Variants in SOX6 observed in about 807,000 individuals in gnomAD.
SOX6 encodes the protein transcription factor SOX-6.
SOX6 carries 11 observed loss-of-function variants against 97.8 expected under a neutral mutation model. That is an observed-to-expected ratio of 0.11 (90% CI 0.07 to 0.19). The LOEUF (loss-of-function observed/expected upper bound fraction) is 0.19. Ranked by LOEUF, SOX6 falls within the 10% of genes least tolerant of loss-of-function variation. The probability of loss-of-function intolerance (pLI) is 1.00; values close to 1 mark genes in which losing one functional copy is unlikely to be tolerated. For synonymous variants in SOX6, 360 were observed against 371.4 expected, an observed-to-expected ratio of 0.97 and a Z score of 0.35; for missense variants, 810 against 1,039.5, an observed-to-expected ratio of 0.78 and a Z score of 3.04.
chr11:16,183,319 G>A (rs1851391168), intron 6 of SOX6, among the ~76,000 whole-genome samples: 3 of 132,808 alleles, frequency 2.3e-5, no homozygotes, highest in African/African-American at 8.7e-5. Context: ...TCTACACCAT[G>A]TCATAATTAT....
intron 3 of SOX6, chr11:16,312,521 C>T (rs1187633386): frequency 6.6e-6 from 1 of 152,150 alleles, no homozygotes; most frequent in Non-Finnish European, 1.5e-5. Flanking sequence ...TATGCTGAAG[C>T]ACTCACTCTT....
At chr11:16,008,827 T>C (rs989048975) in intron 13 of SOX6, among the ~76,000 whole-genome samples, 5 of 152,092 alleles carry the variant, frequency 3.3e-5, no homozygotes, top group African/African-American at 4.8e-5. Context: ...TACAGTTTTG[T>C]GATACTCATA....
chr11:16,092,852 TAA>T (rs202180285), intron 9 of SOX6, among the ~76,000 whole-genome samples: 2 of 146,132 alleles, frequency 1.4e-5, no homozygotes, highest in South Asian at 2.1e-4. Flanking sequence ...CCTTTTTCAT[TAA>T]AAAAAAAAAG....
intron 6 of SOX6, among the ~76,000 whole-genome samples, chr11:16,112,190 C>G (rs533516318): frequency 6.6e-6 from 1 of 152,258 alleles, no homozygotes; most frequent in South Asian, 2.1e-4. Context: ...TTTCTCTTGA[C>G]TTTTTTCCTT....
chr11:16,502,508 G>C (rs919746583), intron 4 of SOX6, among the ~76,000 whole-genome samples: 2 of 151,498 alleles, frequency 1.3e-5, no homozygotes. Context: ...TGAGAAATTT[G>C]CCAAAGAGAT....
intron 4 of SOX6, among the ~76,000 whole-genome samples, chr11:16,197,389 T>C (rs1471218289): frequency 1.3e-5 from 2 of 152,224 alleles, no homozygotes; most frequent in Admixed American, 1.3e-4. Flanking sequence ...AGGGAGATTA[T>C]GTTTTTATAT....
chr11:16,416,076 G>A (rs746623244), intron 1 of SOX6, among the ~76,000 whole-genome samples: 1 of 152,132 alleles, frequency 6.6e-6, no homozygotes, highest in Non-Finnish European at 1.5e-5. Flanking sequence ...TGCTCACCTC[G>A]TAAGGCATTA....
intron 4 of SOX6, among the ~76,000 whole-genome samples, chr11:16,198,222 TTTTTTTTC>T (rs956320139): frequency 7.9e-5 from 7 of 88,142 alleles, no homozygotes; most frequent in East Asian, 9.7e-4. Flanking sequence ...CCCTGCTAAT[TTTTTTTTC>T]TTTTTTTTTT....
chr11:16,370,075 T>C (rs552499603), intron 1 of SOX6, among the ~76,000 whole-genome samples: 4 of 152,140 alleles, frequency 2.6e-5, no homozygotes, highest in Non-Finnish European at 5.9e-5. Context: ...AGCCATGCCA[T>C]GTTCTTCTCA....
At chr11:16,328,018 T>C (rs1856153618) in intron 2 of SOX6, among the ~76,000 whole-genome samples, 1 of 152,194 alleles carries the variant, frequency 6.6e-6, no homozygotes, top group Non-Finnish European at 1.5e-5. Context: ...TTTTGCTTTG[T>C]TTTCCATTTT....
chr11:16,146,968 A>G (rs542485227), intron 6 of SOX6, among the ~76,000 whole-genome samples: 2 of 152,366 alleles, frequency 1.3e-5, no homozygotes, highest in South Asian at 2.1e-4. Flanking sequence ...ATCCAGAACT[A>G]GAAATACCAT....
At chr11:16,129,015 C>T (rs1849673872) in intron 6 of SOX6, among the ~76,000 whole-genome samples, 1 of 150,754 alleles carries the variant, frequency 6.6e-6, no homozygotes, top group Non-Finnish European at 1.5e-5. Flanking sequence ...CATGCAACGC[C>T]ATGCCTGGCA....
intron 1 of SOX6, among the ~76,000 whole-genome samples, chr11:16,423,193 A>G (rs1859053959): frequency 2.0e-5 from 3 of 152,132 alleles, no homozygotes. Flanking sequence ...TGAACAGACA[A>G]GCTCCTCACT....
chr11:16,621,823 T>C (rs1848549127), intron 3 of SOX6, among the ~76,000 whole-genome samples: 1 of 152,190 alleles, frequency 6.6e-6, no homozygotes, highest in African/African-American at 2.4e-5. Flanking sequence ...ATAGGAGACA[T>C]CCTAAGAATG....
chr11:16,186,124 T>C (rs1271428491), intron 5 of SOX6, among the ~76,000 whole-genome samples: 8 of 152,210 alleles, frequency 5.3e-5, no homozygotes, highest in Admixed American at 3.9e-4. Flanking sequence ...TTTGCTATTT[T>C]TTCTTCATTC....
At chr11:16,534,784 G>A (rs1264528101) in intron 4 of SOX6, among the ~76,000 whole-genome samples, 5 of 152,116 alleles carry the variant, frequency 3.3e-5, no homozygotes, top group Admixed American at 2.6e-4. Context: ...GCAATGCTAA[G>A]GGCCAAGCAA....
intron 4 of SOX6, among the ~76,000 whole-genome samples, chr11:16,545,966 TA>T (rs1847616277): frequency 6.6e-6 from 1 of 151,902 alleles, no homozygotes; most frequent in African/African-American, 2.4e-5. Context: ...AATAAATAAA[TA>T]AATACTCTTA....
At chr11:16,544,035 G>A (rs772739371) in intron 4 of SOX6, among the ~76,000 whole-genome samples, 8 of 151,892 alleles carry the variant, frequency 5.3e-5, no homozygotes, top group African/African-American at 1.2e-4. Context: ...AATAGTATTC[G>A]CCAATAAAAA....
intron 9 of SOX6, among the ~76,000 whole-genome samples, chr11:16,072,922 G>A (rs1848259361): frequency 6.6e-6 from 1 of 152,124 alleles, no homozygotes; most frequent in South Asian, 2.1e-4. Flanking sequence ...CAGCAGACCT[G>A]CCTTACAAGA....
Sources: gnomAD v4.1 joint callset for allele counts (sites outside exome capture counted in the v4.1 genomes callset) on GRCh38, gnomAD v4.1.1 for gene constraint, MANE v1.5 for transcripts, NCBI Gene and HGNC (gene_info 2026-07-23, HGNC 2026-07-21) for gene names.